SLC9A9: variants seen among roughly 807,000 people sequenced by gnomAD.
The protein encoded by SLC9A9 is sodium/hydrogen exchanger 9.
Under a neutral mutation model 77.8 loss-of-function variants are expected in SLC9A9, and 62 were observed. The ratio of observed to expected loss-of-function variants is 0.80; its 90% CI spans 0.65 to 0.98. The LOEUF (loss-of-function observed/expected upper bound fraction) is 0.98. SLC9A9 is among the 50% of genes least tolerant of loss of function. SLC9A9 has a pLI of 0.00. For missense variants in SLC9A9, 775 were observed against 774.9 expected (o/e 1.00, Z 0.00); for synonymous variants, 320 against 283.5 (o/e 1.13, Z -1.29).
intron 14 of SLC9A9, among the ~76,000 whole-genome samples, chr3:143,286,514 G>C (rs909404847): frequency 6.6e-6 from 1 of 152,222 alleles, no homozygotes; most frequent in Non-Finnish European, 1.5e-5. Context: ...CTCAGTACAG[G>C]CAGAGGCCAG....
intron 4 of SLC9A9, among the ~76,000 whole-genome samples, chr3:143,729,384 C>T (rs1231563867): frequency 6.6e-6 from 1 of 152,158 alleles, no homozygotes; most frequent in East Asian, 1.9e-4. Context: ...GTATCTACTT[C>T]ATTGGCTGAT....
At chr3:143,454,903 T>A (rs2035063514) in intron 12 of SLC9A9, among the ~76,000 whole-genome samples, 1 of 152,200 alleles carries the variant, frequency 6.6e-6, no homozygotes, top group Non-Finnish European at 1.5e-5. Flanking sequence ...GCGCATCAAA[T>A]CCTCCTGAAT....
At chr3:143,814,144 G>A (rs1450646747) in intron 2 of SLC9A9, among the ~76,000 whole-genome samples, 1 of 152,164 alleles carries the variant, frequency 6.6e-6, no homozygotes, top group African/African-American at 2.4e-5. Flanking sequence ...TTCTGCACCT[G>A]GGTGAGTGAC....
intron 9 of SLC9A9, among the ~76,000 whole-genome samples, chr3:143,524,237 G>A (rs544038555): frequency 2.6e-5 from 4 of 152,164 alleles, no homozygotes; most frequent in African/African-American, 9.6e-5. Flanking sequence ...TGGGGGTGGG[G>A]GATGGAAAGG....
chr3:143,847,224 A>G (rs2108902902), intron 1 of SLC9A9, among the ~76,000 whole-genome samples: 1 of 152,338 alleles, frequency 6.6e-6, no homozygotes, highest in Non-Finnish European at 1.5e-5. Flanking sequence ...GTTATTTGCT[A>G]TAAATTATAG....
chr3:143,284,951 TATATC>T (rs1938340804), intron 14 of SLC9A9, among the ~76,000 whole-genome samples: 1 of 152,178 alleles, frequency 6.6e-6, no homozygotes, highest in South Asian at 2.1e-4. Flanking sequence ...TTCCTATTGA[TATATC>T]ACAAATGGGG....
rs192677568 is a variant in SLC9A9 at position 143,384,762 on chromosome 3, T to A, written c.1470-2648A>T. 8.1e-4 allele frequency among the ~76,000 whole-genome samples: 123 copies of A among 152,230 alleles called. 1 individual carries two copies. Among genetic ancestry groups the A allele is most frequent in the Non-Finnish European group, 1.3e-3 (88 of 68,016 alleles). ...TCCAGAGCAGGACAAACGCCACAAG[T>A]GGCTTGAGGAAAGAGAACCTCCATG... On this transcript the variant is annotated intron_variant, in intron 12 of 15. Transcript: ENST00000316549.
chr3:143,597,959 C>T (rs1257333788), intron 6 of SLC9A9, among the ~76,000 whole-genome samples: 1 of 152,138 alleles, frequency 6.6e-6, no homozygotes, highest in Non-Finnish European at 1.5e-5. Flanking sequence ...AAGCAGTGGG[C>T]GCTGCCTTCC....
At position 143,759,495 on chromosome 3, in the gene SLC9A9, G is replaced by A. The variant is rs866323218; in HGVS notation, c.533+35506C>T. On this transcript the variant is annotated intron_variant, in intron 4 of 15. Coordinates refer to ENST00000316549, the MANE Select transcript of SLC9A9 (RefSeq NM_173653.4). The stretch of plus-strand genomic sequence containing the variant: ...TCTTCAGGTCTATTGAAAGGCAGAA[G>A]GAGAGAAACAAGTGGAAGGACATAG... 8.5e-5 allele frequency among the ~76,000 whole-genome samples: 13 copies of A among 152,224 alleles called. No homozygotes were observed. In the South Asian group the frequency reaches 2.5e-3, roughly 29 times the overall value.
chr3:143,404,602 T>C (rs1009589429), intron 12 of SLC9A9, among the ~76,000 whole-genome samples: 55 of 152,138 alleles, frequency 3.6e-4, no homozygotes, highest in African/African-American at 1.3e-3. Flanking sequence ...TACTCTTTTT[T>C]CCCCCTCTTT....
intron 1 of SLC9A9, among the ~76,000 whole-genome samples, chr3:143,847,436 A>G (rs1196221869): frequency 6.6e-6 from 1 of 152,228 alleles, no homozygotes; most frequent in Non-Finnish European, 1.5e-5. Context: ...TAAGTTGCCC[A>G]GAAAGAGCAA....
At chr3:143,529,261 C>T (rs995791113) in intron 9 of SLC9A9, among the ~76,000 whole-genome samples, 1 of 152,168 alleles carries the variant, frequency 6.6e-6, no homozygotes, top group African/African-American at 2.4e-5. Flanking sequence ...AACACAAATT[C>T]AACTTTTAAA....
intron 10 of SLC9A9, among the ~76,000 whole-genome samples, chr3:143,494,552 G>A (rs147860404): frequency 8.2e-4 from 125 of 152,362 alleles, no homozygotes; most frequent in Non-Finnish European, 3.2e-4. Flanking sequence ...TTTATAGAGA[G>A]GGATTGCCTC....
chr3:143,518,441 C>G (rs2036240958), intron 9 of SLC9A9, among the ~76,000 whole-genome samples: 1 of 152,192 alleles, frequency 6.6e-6, no homozygotes, highest in African/African-American at 2.4e-5. Flanking sequence ...CTCATACAGT[C>G]AAAGAGAAAT....
At chr3:143,752,859 G>T (rs566107691) in intron 4 of SLC9A9, among the ~76,000 whole-genome samples, 1 of 152,248 alleles carries the variant, frequency 6.6e-6, no homozygotes, top group Non-Finnish European at 1.5e-5. Flanking sequence ...TGGCTCCTTA[G>T]AGACATATTG....
intron 9 of SLC9A9, among the ~76,000 whole-genome samples, chr3:143,508,852 G>A (rs574856392): frequency 2.8e-4 from 43 of 152,194 alleles, no homozygotes; most frequent in Non-Finnish European, 5.6e-4. Context: ...AGGCACAGAT[G>A]CTTTTCTTGA....
chr3:143,268,921 C>T lies in SLC9A9; in HGVS notation c.1664G>A (p.Trp555Ter). 6.2e-7 allele frequency: 1 copy of T among 1,613,700 alleles called. No individual in the cohort carries two copies. The highest frequency in any genetic ancestry group is 1.1e-5 in the South Asian group (1 of 91,062). Residue 555 changes from tryptophan to a stop codon, truncating the protein, a stop_gained, in exon 15 of 16, where the codon TGG becomes TAG. Coordinates refer to ENST00000316549, the MANE Select transcript of SLC9A9 (RefSeq NM_173653.4). LOFTEE classifies it high-confidence loss of function. Reference protein sequence around the residue: ...GPPLTTTLPEWCGPISRLLTS... With the variant: ...GPPLTTTLPE ...AAGCAGCCTGGAAATCGGACCACACCATTCAGGTAATGTTGTAGTCAGCGG... is the reference window on the plus strand; with the variant it reads ...AAGCAGCCTGGAAATCGGACCACACTATTCAGGTAATGTTGTAGTCAGCGG...
At chr3:143,394,612 C>T (rs1308506327) in intron 12 of SLC9A9, among the ~76,000 whole-genome samples, 2 of 152,076 alleles carry the variant, frequency 1.3e-5, no homozygotes, top group Admixed American at 1.3e-4. Flanking sequence ...GGCAATCAGA[C>T]AGGAGAAGGA....
chr3:143,498,836 GTCA>G (rs1242107272), intron 9 of SLC9A9, among the ~76,000 whole-genome samples: 1 of 152,048 alleles, frequency 6.6e-6, no homozygotes, highest in Non-Finnish European at 1.5e-5. Context: ...CCTCGCATTT[GTCA>G]TCTTTGACTC....
Sources: gnomAD v4.1 joint callset for allele counts (sites outside exome capture counted in the v4.1 genomes callset) on GRCh38, gnomAD v4.1.1 for gene constraint, MANE v1.5 for transcripts, NCBI Gene and HGNC (gene_info 2026-07-23, HGNC 2026-07-21) for gene names.